The following PDE3A variants were observed in gnomAD, a reference collection of about 807,000 sequenced individuals.
The protein encoded by PDE3A is phosphodiesterase 3A.
In PDE3A, 43 loss-of-function variants were observed where a neutral mutation model predicts 98.3. That is an observed-to-expected ratio of 0.44 (90% CI 0.34 to 0.56). PDE3A has a LOEUF of 0.56. Among genes scored for constraint, PDE3A ranks in the 20% least tolerant of loss-of-function variants. The pLI, the probability that PDE3A is intolerant of heterozygous loss-of-function variation, is 0.01. For synonymous variants in PDE3A, 663 were observed against 567.9 expected, an observed-to-expected ratio of 1.17 and a Z score of -2.38; for missense variants, 1,427 against 1,440.7, an observed-to-expected ratio of 0.99 and a Z score of 0.15.
At chr12:20,464,716 GA>G (rs1456118138) in intron 1 of PDE3A, among the ~76,000 whole-genome samples, 3 of 152,128 alleles carry the variant, frequency 2.0e-5, no homozygotes. Flanking sequence ...CTTGAAGAGT[GA>G]GTGCAGGACT....
intron 1 of PDE3A, among the ~76,000 whole-genome samples, chr12:20,431,375 C>T (rs79552830): frequency 0.014 from 2,121 of 152,208 alleles, 47 homozygotes; most frequent in African/African-American, 0.047. Context: ...AAAAAGTTCT[C>T]ATCCTTTGAG....
At chr12:20,632,341 C>T (rs919709213) in intron 6 of PDE3A, among the ~76,000 whole-genome samples, 6 of 152,026 alleles carry the variant, frequency 3.9e-5, no homozygotes, top group South Asian at 4.2e-4. Context: ...AGTGCACACA[C>T]GAGCACAATT....
rs542551532 is a variant in PDE3A at position 20,680,465 on chromosome 12, C to T, written c.*194C>T. ...GTTAAAAACTTTTTGCTCAAAGAAGCTTTCACATTGCAACACCAGCTTCTA... is the reference window on the plus strand; with the variant it reads ...GTTAAAAACTTTTTGCTCAAAGAAGTTTTCACATTGCAACACCAGCTTCTA... On this transcript the variant is annotated 3_prime_UTR_variant, in exon 16 of 16. Transcript: ENST00000359062. The T allele has an allele frequency of 2.4e-5, 14 of 577,582 alleles. No homozygotes were observed. In the South Asian group the frequency reaches 3.0e-4, roughly 12 times the overall value. 35.8% of individuals were successfully genotyped at this position (577,582 alleles called of 1,614,324 possible). A position where few individuals can be genotyped will look rare whatever the true frequency, so the allele number is the denominator to read the frequency against.
intron 1 of PDE3A, among the ~76,000 whole-genome samples, chr12:20,511,472 A>G (rs1946222369): frequency 1.3e-5 from 2 of 151,772 alleles, no homozygotes; most frequent in Admixed American, 6.6e-5. Context: ...GTGATATGTC[A>G]GTTGGACACA....
chr12:20,581,432 T>C (rs1290293298), intron 2 of PDE3A, among the ~76,000 whole-genome samples: 1 of 152,116 alleles, frequency 6.6e-6, no homozygotes, highest in Non-Finnish European at 1.5e-5. Context: ...GAGAACATGC[T>C]TCACAGCTTA....
intron 1 of PDE3A, among the ~76,000 whole-genome samples, chr12:20,477,359 C>A (rs1945548913): frequency 6.6e-6 from 1 of 152,152 alleles, no homozygotes; most frequent in African/African-American, 2.4e-5. Context: ...ACACTATGTG[C>A]CAGCAAATTT....
At chr12:20,590,364 C>T (rs1565440924) in intron 2 of PDE3A, among the ~76,000 whole-genome samples, 1 of 148,242 alleles carries the variant, frequency 6.7e-6, no homozygotes, top group East Asian at 2.0e-4. Flanking sequence ...GGGGCACAAT[C>T]AGTATCTCGT....
intron 1 of PDE3A, among the ~76,000 whole-genome samples, chr12:20,540,574 A>G (rs11045298): frequency 0.48 from 72,700 of 151,854 alleles, 18,798 homozygotes; most frequent in South Asian, 0.6. Flanking sequence ...GGCTAACAGG[A>G]AAATCACCCT....
chr12:20,668,890 C>G (rs1945393857), intron 15 of PDE3A, among the ~76,000 whole-genome samples: 1 of 151,426 alleles, frequency 6.6e-6, no homozygotes, highest in Non-Finnish European at 1.5e-5. Context: ...TTCAGACGAT[C>G]AAATTACTCC....
intron 10 of PDE3A, among the ~76,000 whole-genome samples, chr12:20,643,353 T>C (rs1248073303): frequency 1.3e-5 from 2 of 152,240 alleles, no homozygotes; most frequent in Non-Finnish European, 2.9e-5. Context: ...GTAACTTACA[T>C]TGACCTTGCT....
rs1382948000 is a variant in PDE3A at position 20,496,161 on chromosome 12, ACTAT to A, written c.961-60496_961-60493del. Reference sequence around the variant, plus strand: ...AGAAATCATGTGCTGTTCTGTGCACACTATCTGTCTCATCAGTAAGGAGGAAAGA... The same window carrying A: ...AGAAATCATGTGCTGTTCTGTGCACACTGTCTCATCAGTAAGGAGGAAAGA... On this transcript the variant is annotated intron_variant, in intron 1 of 15. Coordinates refer to ENST00000359062, the MANE Select transcript of PDE3A (RefSeq NM_000921.5). Among the ~76,000 whole-genome samples, 4 of 152,194 alleles carry A rather than the reference ACTAT, an allele frequency of 2.6e-5. No individual in the cohort carries two copies. In the East Asian group the frequency reaches 7.7e-4, roughly 29 times the overall value.
intron 5 of PDE3A, among the ~76,000 whole-genome samples, chr12:20,623,468 C>A (rs2121487613): frequency 6.6e-6 from 1 of 152,154 alleles, no homozygotes; most frequent in East Asian, 1.9e-4. Flanking sequence ...GAAATACTGG[C>A]AGTCAGAACA....
chr12:20,384,263 G>T (rs561728150), intron 1 of PDE3A, among the ~76,000 whole-genome samples: 230 of 151,086 alleles, frequency 1.5e-3, no homozygotes, highest in Middle Eastern at 6.8e-3. Context: ...CTGACATTCG[G>T]GAAAGTCATG....
intron 2 of PDE3A, among the ~76,000 whole-genome samples, chr12:20,602,410 G>GTGTC (rs1272897975): frequency 6.6e-6 from 1 of 152,194 alleles, no homozygotes; most frequent in Non-Finnish European, 1.5e-5. Context: ...GAGTTCGCTA[G>GTGTC]TGTCTGGAAA....
chr12:20,563,559 C>A (rs1402211239), intron 2 of PDE3A, among the ~76,000 whole-genome samples: 1 of 152,102 alleles, frequency 6.6e-6, no homozygotes, highest in East Asian at 1.9e-4. Context: ...CCTCCTTTTT[C>A]ATTTTTCCAT....
At chr12:20,630,593 G>T (rs557422746) in intron 6 of PDE3A, among the ~76,000 whole-genome samples, 2 of 152,218 alleles carry the variant, frequency 1.3e-5, no homozygotes, top group East Asian at 3.9e-4. Flanking sequence ...AGGATGGCTG[G>T]ACTCAAATAG....
At chr12:20,586,058 A>T (rs544543798) in intron 2 of PDE3A, among the ~76,000 whole-genome samples, 1 of 152,326 alleles carries the variant, frequency 6.6e-6, no homozygotes, top group South Asian at 2.1e-4. Context: ...GGCCTCCTGG[A>T]GGAGGGTAAT....
intron 15 of PDE3A, among the ~76,000 whole-genome samples, chr12:20,679,279 G>A (rs1037994610): frequency 1.6e-4 from 25 of 152,024 alleles, no homozygotes; most frequent in African/African-American, 2.4e-4. Context: ...ATGGAATCTC[G>A]CTCTGTTGCC....
chr12:20,404,766 C>T lies in PDE3A; in HGVS notation c.960+34522C>T, dbSNP rs114845890. ...TCCTTTCCAGGCATGATTCATATTCCTTGAGCTATTGGCCACGTGCCAGGG... is the reference window on the plus strand; with the variant it reads ...TCCTTTCCAGGCATGATTCATATTCTTTGAGCTATTGGCCACGTGCCAGGG... On this transcript the variant is annotated intron_variant, in intron 1 of 15. Coordinates refer to ENST00000359062, the MANE Select transcript of PDE3A (RefSeq NM_000921.5). Among the ~76,000 whole-genome samples, 706 of 149,610 alleles carry T rather than the reference C, an allele frequency of 4.7e-3. 5 individuals are homozygous for T. Among genetic ancestry groups the T allele is most frequent in the African/African-American group, 0.016 (671 of 40,736 alleles).
Sources: gnomAD v4.1 joint callset for allele counts (sites outside exome capture counted in the v4.1 genomes callset) on GRCh38, gnomAD v4.1.1 for gene constraint, MANE v1.5 for transcripts, NCBI Gene and HGNC (gene_info 2026-07-23, HGNC 2026-07-21) for gene names.